Variants in MAN2C1 observed in about 807,000 individuals in gnomAD.
MAN2C1 encodes alpha-mannosidase 2C1.
Under a neutral mutation model 126.9 loss-of-function variants are expected in MAN2C1, and 111 were observed. That is an observed-to-expected ratio of 0.87 (90% CI 0.75 to 1.02). The LOEUF is 1.02. Among genes scored for constraint, MAN2C1 ranks in the 50% least tolerant of loss-of-function variants. The pLI is 0.00. For missense variants in MAN2C1, 1,363 were observed against 1,364.4 expected (o/e 1.00, Z 0.02); for synonymous variants, 567 against 561.5 (o/e 1.01, Z -0.14).
At chr15:75,358,108 T>C (rs1216141651) in intron 21 of MAN2C1, 93 bp downstream of exon 21, 6 of 1,477,494 alleles carry the variant, frequency 4.1e-6, no homozygotes, top group Non-Finnish European at 5.6e-6. Context: ...GCAGCAAATG[T>C]TGATTATCCT....
Position 75,362,794 on chromosome 15 carries a change from C to A in MAN2C1, c.791-46G>T. The A allele has an allele frequency of 1.3e-6, 2 of 1,548,712 alleles. No homozygotes were observed. The highest frequency in any genetic ancestry group is 1.8e-6 in the Non-Finnish European group (2 of 1,122,734). ...AGGACAGAGGGAGCAGCAAGGCTGA[C>A]CAGGCCTGGGCTGGGACTCCAGAGG... On this transcript the variant is annotated intron_variant, in intron 6 of 25. Transcript: ENST00000267978. This position sits in a 1 kb window ranked among gnomAD's most constrained non-coding sequence, Gnocchi z 4.5.
chr15:75,358,982 G>A (rs2072406081), intron 18 of MAN2C1, 77 bp downstream of exon 18: 2 of 1,584,196 alleles, frequency 1.3e-6, no homozygotes, highest in Admixed American at 1.7e-5. Context: ...TGTGGGCAGT[G>A]TTGTGGCAAG....
At chr15:75,360,973 A>G (rs1244899615) in intron 12 of MAN2C1, 73 bp downstream of exon 12, 4 of 1,526,966 alleles carry the variant, frequency 2.6e-6, no homozygotes, top group East Asian at 2.4e-5. Flanking sequence ...GTTGGGCCCA[A>G]TGTCTGAGGG....
At position 75,360,080 on chromosome 15, in the gene MAN2C1, C is replaced by G. The variant is rs1230575635; in HGVS notation, c.1706+10G>C. 6.2e-7 allele frequency: 1 copy of G among 1,614,036 alleles called. No homozygotes were observed. ...AGTCAGGTGGATGGCAGGGACAGAA[C>G]TGGGCTGACCTCCAGAGGTGCTGCA... On this transcript the variant is annotated intron_variant, in intron 14 of 25. Transcript: ENST00000267978.
intron 21 of MAN2C1, chr15:75,357,844 C>A (rs1309865583): frequency 3.9e-6 from 1 of 256,942 alleles, no homozygotes; most frequent in Admixed American, 4.5e-5. Context: ...TGGTCTCGAT[C>A]TCTTGACCTC....
chr15:75,361,334 G>T lies in MAN2C1; in HGVS notation c.1266C>A (p.Val422=). 1 of 1,568,312 alleles carries T rather than the reference G, an allele frequency of 6.4e-7. No individual in the cohort carries two copies. The highest frequency in any genetic ancestry group is 8.6e-7 in the Non-Finnish European group (1 of 1,156,162). Residue 422 remains valine, a synonymous_variant, in exon 11 of 26, where the codon GTC becomes GTA. Coordinates refer to ENST00000267978, the MANE Select transcript of MAN2C1 (RefSeq NM_006715.4). This position sits in a 1 kb window ranked among gnomAD's most constrained non-coding sequence, Gnocchi z 5.0. ...WEGLDGSRVL[V]HFPPGDSYGM... The stretch of plus-strand genomic sequence containing the variant: ...CATAGGAGTCGCCAGGTGGGAAGTG[G>T]ACCAGTACACGGGAGCCATCCAGGC...
At position 75,366,541 on chromosome 15, in the gene MAN2C1, C is replaced by T. The variant is rs1279138408; in HGVS notation, c.403G>A (p.Gly135Arg). 2.5e-6 allele frequency: 4 copies of T among 1,613,508 alleles called. No homozygotes were observed. Among genetic ancestry groups the T allele is most frequent in the Non-Finnish European group, 3.4e-6 (4 of 1,179,818 alleles). ...ACTCACCTTCGGGGGTCTCTTTCCC[C>T]CAGCCTGTCAGTCAGGACATAGCTG... is the stretch of plus-strand genomic sequence containing the variant. ...KTSYVLTDRLGERDPRSLTLY... is the reference protein window; with the variant it reads ...KTSYVLTDRLRERDPRSLTLY... Residue 135 changes from glycine to arginine, a missense_variant, in exon 4 of 26, where the codon GGG (glycine) becomes AGG (arginine). Gly to Arg is a moderately radical substitution (Grantham distance 125). Transcript: ENST00000267978.
At position 75,360,656 on chromosome 15, in the gene MAN2C1, G is replaced by C. The variant is rs774903786; in HGVS notation, c.1493C>G (p.Ser498Ter). ...VQLSSPRQLF[S>*]ALESDSEQLC... ...CTGCTCTGAGTCACTCTCCAGTGCT[G>C]AGAAGAGCTGTCTTGGAGAAGATAG... is the stretch of plus-strand genomic sequence containing the variant. The change falls in exon 13 of 26, where the codon TCA (serine) becomes TGA (stop). Residue 498 changes from serine (S) to a stop codon, truncating the protein, a stop_gained. Transcript: ENST00000267978. LOFTEE classifies it high-confidence loss of function. The C allele has an allele frequency of 1.4e-5, 22 of 1,613,832 alleles. No individual in the cohort carries two copies. The highest frequency in any genetic ancestry group is 1.9e-5 in the Non-Finnish European group (22 of 1,179,988).
chr15:75,368,218 G>A lies in MAN2C1; in HGVS notation c.102-20C>T. Reference sequence around the variant, plus strand: ...AAAAGCCTGCGTGGGACGGGCCGGTGGGCACATGCTGGAGGCCGCCCCGTT... The same window carrying A: ...AAAAGCCTGCGTGGGACGGGCCGGTAGGCACATGCTGGAGGCCGCCCCGTT... On this transcript the variant is annotated intron_variant, in intron 1 of 25. Transcript: ENST00000267978. 6.3e-7 allele frequency: 1 copy of A among 1,592,832 alleles called. No individual in the cohort carries two copies. The highest frequency in any genetic ancestry group is 8.5e-7 in the Non-Finnish European group (1 of 1,173,376).
chr15:75,368,206 G>A lies in MAN2C1; in HGVS notation c.102-8C>T. ...CAGCTGGCCCCAAAAAGCCTGCGTG[G>A]GACGGGCCGGTGGGCACATGCTGGA... On this transcript the variant is annotated splice_polypyrimidine_tract_variant and splice_region_variant and intron_variant, in intron 1 of 25. Coordinates refer to ENST00000267978, the MANE Select transcript of MAN2C1 (RefSeq NM_006715.4). 1.3e-6 allele frequency: 2 copies of A among 1,598,822 alleles called. No homozygotes were observed. The highest frequency in any genetic ancestry group is 8.5e-7 in the Non-Finnish European group (1 of 1,175,562).
intron 4 of MAN2C1, 141 bp from the exon 5 acceptor site, chr15:75,364,806 G>T: frequency 1.5e-6 from 1 of 651,778 alleles, no homozygotes; most frequent in Non-Finnish European, 2.5e-6. Context: ...CCCACAGTGT[G>T]ACAAGAGTGC....
At position 75,361,832 on chromosome 15, in the gene MAN2C1, T is replaced by A; in HGVS notation, c.1101+23A>T. The A allele has an allele frequency of 3.7e-6, 6 of 1,611,350 alleles. No individual in the cohort carries two copies. The South Asian group carries it at 6.6e-5, about 18-fold the overall frequency. On this transcript the variant is annotated intron_variant, in intron 9 of 25. Coordinates refer to ENST00000267978, the MANE Select transcript of MAN2C1 (RefSeq NM_006715.4). The surrounding 1 kb of genome is among the most constrained non-coding windows in gnomAD (Gnocchi z 5.0). ...GCGCCAGCCCCACTCGCCCACAGCCTGGTGTAGCAGCTCTCAGCCTACCTC... is the reference window on the plus strand; with the variant it reads ...GCGCCAGCCCCACTCGCCCACAGCCAGGTGTAGCAGCTCTCAGCCTACCTC...
Position 75,364,145 on chromosome 15 carries a change from G to A in MAN2C1, c.644C>T (p.Thr215Ile). The A allele has an allele frequency of 6.2e-7, 1 of 1,614,126 alleles. No homozygotes were observed. The highest frequency in any genetic ancestry group is 8.5e-7 in the Non-Finnish European group (1 of 1,179,996). Residue 215 changes from threonine to isoleucine, a missense_variant, in exon 6 of 26, where the codon ACA becomes ATA. Physicochemically the swap from Thr to Ile is moderately conservative, Grantham distance 89. Coordinates refer to ENST00000267978, the MANE Select transcript of MAN2C1 (RefSeq NM_006715.4). ...ACACACGTTCACCATCTGATTGGCT[G>A]TGTACAGGGCCTGGAAGCTGCGCTG... Reference protein sequence around the residue: ...DNQRSFQALYTANQMVNVCDP... With the variant: ...DNQRSFQALYIANQMVNVCDP...
chr15:75,360,841 G>A, intron 12 of MAN2C1, 153 bp from the exon 13 acceptor site: 2 of 1,187,910 alleles, frequency 1.7e-6, no homozygotes, highest in Non-Finnish European at 1.2e-6. Context: ...CCCTAGGAGA[G>A]CCTCTCTCTC....
rs531295861 is a variant in MAN2C1, at chr15:75,356,286, C to T, written c.2886+15G>A. 59 of 1,611,882 alleles carry T rather than the reference C, an allele frequency of 3.7e-5. No homozygotes were observed. The highest frequency in any genetic ancestry group is 5.3e-5 in the African/African-American group (4 of 74,990). ...CCAGTTCGGAACCCCGTCCCCAGCA[C>T]GTCCCACCCCTTGCCTGCTTGACGG... On this transcript the variant is annotated intron_variant, in intron 24 of 25. Transcript: ENST00000267978. The surrounding 1 kb of genome is among the most constrained non-coding windows in gnomAD (Gnocchi z 5.8).
rs774903786 is a variant in MAN2C1 at position 75,360,656 on chromosome 15, G to A, written c.1493C>T (p.Ser498Leu). 3 of 1,613,832 alleles carry A rather than the reference G, an allele frequency of 1.9e-6. No homozygotes were observed. Among genetic ancestry groups the A allele is most frequent in the Admixed American group, 1.7e-5 (1 of 60,014 alleles). ...VQLSSPRQLF[S>L]ALESDSEQLC... ...CTGCTCTGAGTCACTCTCCAGTGCT[G>A]AGAAGAGCTGTCTTGGAGAAGATAG... Residue 498 changes from serine (S) to leucine (L), a missense_variant, in exon 13 of 26, where the codon TCA becomes TTA. By Grantham distance (145) the Ser-to-Leu change is moderately radical. Around this residue, in one of 3 missense-constraint regions of MAN2C1, gnomAD observed 67 missense variants for 104.5 expected, o/e 0.64. Transcript: ENST00000267978.
chr15:75,365,054 G>T (rs777432778), intron 4 of MAN2C1, among the ~76,000 whole-genome samples: 20 of 152,186 alleles, frequency 1.3e-4, no homozygotes, highest in Non-Finnish European at 7.3e-5. Context: ...GCCAACATGG[G>T]CGGGCCATTC....
In MAN2C1 at chr15:75,359,101, G is replaced by C; in HGVS notation, c.2099C>G (p.Pro700Arg). ...DNGIIRVKLDPTGRLTSLVLV... is the reference protein window; with the variant it reads ...DNGIIRVKLDRTGRLTSLVLV... The stretch of plus-strand genomic sequence containing the variant: ...GACCAAGGACGTCAGGCGACCAGTT[G>C]GGTCCAGCTTCACTCGGATGATGCC... The change falls in exon 18 of 26, where the codon CCA becomes CGA. Residue 700 changes from proline (P) to arginine (R), a missense_variant. Physicochemically the swap from Pro to Arg is moderately radical, Grantham distance 103. Transcript: ENST00000267978. 1 of 1,614,050 alleles carries C rather than the reference G, an allele frequency of 6.2e-7. No homozygotes were observed. Among genetic ancestry groups the C allele is most frequent in the Non-Finnish European group, 8.5e-7 (1 of 1,180,032 alleles).
In MAN2C1 at chr15:75,368,074, T is replaced by G. The variant is rs1433779625; in HGVS notation, c.226A>C (p.Thr76Pro). 11 of 1,605,886 alleles carry G rather than the reference T, an allele frequency of 6.8e-6. No homozygotes were observed. Among genetic ancestry groups the G allele is most frequent in the Non-Finnish European group, 9.3e-6 (11 of 1,177,372 alleles). The part of the protein sequence containing the change: ...PAQVGDSFGP[T>P]WWTCWFRVEL... ...GCCCACCCGCTGGGCGTTACCTACGTGGGTCCGAAGCTGTCGCCGACCTGC... is the reference window on the plus strand; with the variant it reads ...GCCCACCCGCTGGGCGTTACCTACGGGGGTCCGAAGCTGTCGCCGACCTGC... The change falls in exon 2 of 26, where the codon ACA (threonine) becomes CCA (proline). Residue 76 changes from threonine (T) to proline (P), a missense_variant and splice_region_variant. This residue lies in a region of MAN2C1 where 628 missense variants were observed against 609.8 expected (regional missense o/e 1.03). Transcript: ENST00000267978.
Sources: allele counts gnomAD v4.1 joint callset (sites outside exome capture counted in the v4.1 genomes callset), GRCh38; gene constraint gnomAD v4.1.1; regional missense constraint gnomAD v4.1.1; non-coding constraint Gnocchi (gnomAD v3.1); transcripts MANE v1.5; gene names NCBI Gene and HGNC (gene_info 2026-07-23, HGNC 2026-07-21).